Variants in RARB observed in about 807,000 individuals in gnomAD.
The protein encoded by RARB is HBV-activated protein.
In RARB, 17 loss-of-function variants were observed where a neutral mutation model predicts 51.9. The observed-to-expected ratio is 0.33, with a 90% CI of 0.22 to 0.49. The LOEUF is 0.49. Ranked by LOEUF, RARB falls within the 20% of genes least tolerant of loss-of-function variation. RARB has a pLI of 0.99. For missense variants in RARB, 369 were observed against 550.8 expected, an observed-to-expected ratio of 0.67 and a Z score of 3.30; for synonymous variants, 215 against 195.4, an observed-to-expected ratio of 1.10 and a Z score of -0.84.
intron 1 of RARB, among the ~76,000 whole-genome samples, chr3:25,446,064 G>A (rs770001947): frequency 2.6e-5 from 4 of 152,216 alleles, no homozygotes; most frequent in Non-Finnish European, 4.4e-5. Context: ...ATTTTAAAAT[G>A]TATTTATGGC....
intron 5 of RARB, among the ~76,000 whole-genome samples, chr3:25,409,325 C>T (rs1391242115): frequency 6.6e-6 from 1 of 152,196 alleles, no homozygotes; most frequent in Non-Finnish European, 1.5e-5. Flanking sequence ...TTAGCAAAGG[C>T]TCTGCAAACC....
At chr3:25,364,205 T>G (rs1380827617) in intron 5 of RARB, among the ~76,000 whole-genome samples, 1 of 152,172 alleles carries the variant, frequency 6.6e-6, no homozygotes, top group African/African-American at 2.4e-5. Context: ...GATCCTTGCT[T>G]GTTTGGTCCA....
At chr3:25,361,876 C>G (rs2125464328) in intron 5 of RARB, among the ~76,000 whole-genome samples, 1 of 152,238 alleles carries the variant, frequency 6.6e-6, no homozygotes, top group Middle Eastern at 3.4e-3. Context: ...GGGGCACCAG[C>G]CATATGCCAG....
intron 1 of RARB, among the ~76,000 whole-genome samples, chr3:25,451,477 C>T (rs566826713): frequency 1.8e-4 from 27 of 152,244 alleles, no homozygotes; most frequent in African/African-American, 6.3e-4. Context: ...AGGATTAAAT[C>T]GGTTTCAAAG....
intron 5 of RARB, among the ~76,000 whole-genome samples, chr3:25,260,689 G>A (rs370786332): frequency 6.6e-6 from 1 of 152,056 alleles, no homozygotes; most frequent in South Asian, 2.1e-4. Context: ...GATGTCATCT[G>A]CAGCCGCCTG....
intron 3 of RARB, among the ~76,000 whole-genome samples, chr3:25,074,036 T>C (rs1207081168): frequency 2.0e-5 from 3 of 152,220 alleles, no homozygotes; most frequent in African/African-American, 7.2e-5. Context: ...CTCAAGCACC[T>C]ACTACGTGTC....
At chr3:24,846,473 G>T (rs1379140689) in intron 1 of RARB, among the ~76,000 whole-genome samples, 1 of 152,200 alleles carries the variant, frequency 6.6e-6, no homozygotes, top group African/African-American at 2.4e-5. Context: ...TGAAGTAGAG[G>T]TAGAAAATGT....
At chr3:25,588,195 G>C (rs986629402) in intron 5 of RARB, among the ~76,000 whole-genome samples, 5 of 152,214 alleles carry the variant, frequency 3.3e-5, no homozygotes, top group African/African-American at 4.8e-5. Context: ...ATGAACTATT[G>C]CTGTGTACAC....
In RARB at chr3:25,440,538, C is replaced by T. The variant is rs148133009; in HGVS notation, c.157+11650C>T. On this transcript the variant is annotated intron_variant, in intron 1 of 7. Transcript: ENST00000330688. The stretch of plus-strand genomic sequence containing the variant: ...CTGTAATCCCAGCACTTTGGGAGGC[C>T]GAGGCAGGTGGATCACAAGGTCAGG... Among the ~76,000 whole-genome samples the T allele has an allele frequency of 2.6e-3, 389 of 151,980 alleles. 2 individuals are homozygous for T. Among genetic ancestry groups the T allele is most frequent in the African/African-American group, 8.3e-3 (345 of 41,444 alleles).
chr3:25,296,639 TGGA>T (rs1312691978), intron 5 of RARB, among the ~76,000 whole-genome samples: 2 of 152,152 alleles, frequency 1.3e-5, no homozygotes, highest in Non-Finnish European at 2.9e-5. Context: ...TCTGGATTAC[TGGA>T]GGGGGAAAAA....
At chr3:25,205,087 C>T (rs1358141410) in intron 5 of RARB, among the ~76,000 whole-genome samples, 1 of 152,196 alleles carries the variant, frequency 6.6e-6, no homozygotes, top group East Asian at 1.9e-4. Context: ...TTCGAGCTTC[C>T]TGGCTGCTTT....
At chr3:24,865,930 G>C (rs760354387) in intron 2 of RARB, among the ~76,000 whole-genome samples, 1 of 151,960 alleles carries the variant, frequency 6.6e-6, no homozygotes, top group Non-Finnish European at 1.5e-5. Flanking sequence ...ATAATATAAC[G>C]ACATTTGGCC....
intron 1 of RARB, among the ~76,000 whole-genome samples, chr3:24,830,420 C>CGTGTGTGTGTGTGT (rs59434163): frequency 0.12 from 14,977 of 121,144 alleles, 1,151 homozygotes; most frequent in African/African-American, 0.18. Flanking sequence ...TGACAGAAGA[C>CGTGTGTGTGTGTGT]GTGTGTGTGT....
At chr3:25,493,965 C>T (rs961360190) in intron 2 of RARB, among the ~76,000 whole-genome samples, 3 of 152,158 alleles carry the variant, frequency 2.0e-5, no homozygotes, top group Non-Finnish European at 4.4e-5. Flanking sequence ...GCAGATTGCA[C>T]TGTTACTTTA....
At chr3:25,152,404 T>A (rs562680710) in intron 4 of RARB, among the ~76,000 whole-genome samples, 1 of 152,268 alleles carries the variant, frequency 6.6e-6, no homozygotes, top group Admixed American at 6.5e-5. Flanking sequence ...TCTTCTTGGG[T>A]CCAAAGAGGG....
intron 2 of RARB, among the ~76,000 whole-genome samples, chr3:24,895,339 T>G (rs1375112823): frequency 2.0e-5 from 3 of 152,308 alleles, no homozygotes; most frequent in African/African-American, 7.2e-5. Context: ...TCTGAATTAG[T>G]GACTCTCAAT....
chr3:24,872,824 G>T (rs1281914637), intron 2 of RARB, among the ~76,000 whole-genome samples: 1 of 152,100 alleles, frequency 6.6e-6, no homozygotes, highest in Non-Finnish European at 1.5e-5. Flanking sequence ...TCTCTGTATA[G>T]ACTTCTCTAC....
chr3:25,483,536 T>A (rs1321898765), intron 2 of RARB, among the ~76,000 whole-genome samples: 1 of 151,058 alleles, frequency 6.6e-6, no homozygotes, highest in Non-Finnish European at 1.5e-5. Context: ...TCTTTTTTTT[T>A]TTTTTTTTTT....
chr3:25,005,963 GT>G (rs1298625088), intron 2 of RARB, among the ~76,000 whole-genome samples: 2 of 151,984 alleles, frequency 1.3e-5, no homozygotes, highest in Non-Finnish European at 2.9e-5. Flanking sequence ...ATATACTCCA[GT>G]TATACTGGTT....
Sources: gnomAD v4.1 joint callset for allele counts (sites outside exome capture counted in the v4.1 genomes callset) on GRCh38, gnomAD v4.1.1 for gene constraint, MANE v1.5 for transcripts, NCBI Gene and HGNC (gene_info 2026-07-23, HGNC 2026-07-21) for gene names.